ATRNL1: variants seen among roughly 807,000 people sequenced by gnomAD.
ATRNL1 encodes attractin-like protein 1.
In ATRNL1, 95 loss-of-function variants were observed where a neutral mutation model predicts 182.7. The ratio of observed to expected loss-of-function variants is 0.52; its 90% CI spans 0.44 to 0.62. The LOEUF (loss-of-function observed/expected upper bound fraction) is 0.62, where lower values mean the gene tolerates loss of function less well. Among genes scored for constraint, ATRNL1 ranks in the 20% least tolerant of loss-of-function variants. The pLI is 0.00. For synonymous variants in ATRNL1, 576 were observed against 568.3 expected, an observed-to-expected ratio of 1.01 and a Z score of -0.19; for missense variants, 1,471 against 1,679.5, an observed-to-expected ratio of 0.88 and a Z score of 2.17.
chr10:115,327,898 A>G (rs1854995159), intron 18 of ATRNL1, among the ~76,000 whole-genome samples: 1 of 151,868 alleles, frequency 6.6e-6, no homozygotes, highest in African/African-American at 2.4e-5. Context: ...GAACACATGG[A>G]CACAGGAAGG....
chr10:115,667,168 C>T (rs1223464925), intron 26 of ATRNL1, among the ~76,000 whole-genome samples: 1 of 152,104 alleles, frequency 6.6e-6, no homozygotes, highest in Non-Finnish European at 1.5e-5. Flanking sequence ...GACTTCCTTA[C>T]ACTTTGTCTT....
intron 21 of ATRNL1, among the ~76,000 whole-genome samples, chr10:115,432,896 G>A (rs1846235524): frequency 6.6e-6 from 1 of 151,940 alleles, no homozygotes; most frequent in Non-Finnish European, 1.5e-5. Flanking sequence ...AGACTAGGCT[G>A]TAGAAATGCT....
chr10:115,452,218 T>G (rs1021406848), intron 21 of ATRNL1, among the ~76,000 whole-genome samples: 2 of 152,286 alleles, frequency 1.3e-5, no homozygotes, highest in Admixed American at 6.6e-5. Context: ...ACCTATGTAA[T>G]AAATCTTCAC....
intron 28 of ATRNL1, among the ~76,000 whole-genome samples, chr10:115,887,501 G>A (rs2134454687): frequency 6.6e-6 from 1 of 152,088 alleles, no homozygotes; most frequent in Middle Eastern, 3.4e-3. Context: ...TTTTATAAGG[G>A]CACTGGTCCA....
At chr10:115,099,092 A>C (rs1175258179) in intron 1 of ATRNL1, among the ~76,000 whole-genome samples, 1 of 152,238 alleles carries the variant, frequency 6.6e-6, no homozygotes, top group African/African-American at 2.4e-5. Flanking sequence ...TCCCTTTTCT[A>C]GTTGCCAATT....
At chr10:115,854,580 G>C (rs577968271) in intron 28 of ATRNL1, among the ~76,000 whole-genome samples, 32 of 152,314 alleles carry the variant, frequency 2.1e-4, no homozygotes, top group African/African-American at 7.2e-4. Flanking sequence ...CACCTGCTGA[G>C]CAGCAGCATC....
chr10:115,777,022 T>A (rs1338552735), intron 27 of ATRNL1, among the ~76,000 whole-genome samples: 1 of 152,198 alleles, frequency 6.6e-6, no homozygotes, highest in African/African-American at 2.4e-5. Context: ...TGAAATGTAC[T>A]GATGTCTCTA....
At chr10:115,487,853 A>G (rs1203167622) in intron 24 of ATRNL1, among the ~76,000 whole-genome samples, 1 of 152,148 alleles carries the variant, frequency 6.6e-6, no homozygotes, top group Non-Finnish European at 1.5e-5. Context: ...TCAGTATGAT[A>G]TTGGCTGTGC....
chr10:115,430,456 C>G (rs1004680994), intron 21 of ATRNL1, among the ~76,000 whole-genome samples: 1 of 151,762 alleles, frequency 6.6e-6, no homozygotes, highest in East Asian at 1.9e-4. Context: ...CCTTTTTTAT[C>G]TTTAAAAACG....
chr10:115,427,797 C>G (rs190169306), intron 21 of ATRNL1, among the ~76,000 whole-genome samples: 12 of 151,924 alleles, frequency 7.9e-5, no homozygotes, highest in Admixed American at 3.9e-4. Context: ...TATTTTTATG[C>G]TAACGTAGCA....
chr10:115,442,261 T>C (rs1470315983), intron 21 of ATRNL1, among the ~76,000 whole-genome samples: 2 of 83,806 alleles, frequency 2.4e-5, no homozygotes, highest in African/African-American at 1.2e-4. Flanking sequence ...TTCATTTTCA[T>C]TTGTGTTTGC....
intron 1 of ATRNL1, among the ~76,000 whole-genome samples, chr10:115,105,859 A>G (rs1554865774): frequency 6.6e-6 from 1 of 152,208 alleles, no homozygotes; most frequent in African/African-American, 2.4e-5. Flanking sequence ...AGTTTGCTGC[A>G]GGGGTGGGAC....
chr10:115,588,616 G>A (rs1393542514), intron 26 of ATRNL1, among the ~76,000 whole-genome samples: 1 of 152,198 alleles, frequency 6.6e-6, no homozygotes, highest in Admixed American at 6.5e-5. Flanking sequence ...TCATGGAAAA[G>A]CTGGGAGTTT....
At chr10:115,297,546 G>A (rs1483976299) in intron 15 of ATRNL1, among the ~76,000 whole-genome samples, 2 of 151,632 alleles carry the variant, frequency 1.3e-5, no homozygotes, top group African/African-American at 2.4e-5. Context: ...TCAGGAGGCC[G>A]AGGCAGGAGA....
At chr10:115,155,322 A>G (rs576857817) in intron 5 of ATRNL1, among the ~76,000 whole-genome samples, 13 of 151,956 alleles carry the variant, frequency 8.6e-5, no homozygotes, top group African/African-American at 2.9e-4. Flanking sequence ...CTATTGATAT[A>G]TGGGGACTTA....
chr10:115,430,305 T>C (rs1242220347), intron 21 of ATRNL1, among the ~76,000 whole-genome samples: 1 of 152,112 alleles, frequency 6.6e-6, no homozygotes, highest in East Asian at 1.9e-4. Context: ...TTATTTATCT[T>C]TTCTGTGGAT....
intron 27 of ATRNL1, among the ~76,000 whole-genome samples, chr10:115,739,172 G>A (rs1241025440): frequency 1.3e-5 from 2 of 152,082 alleles, no homozygotes; most frequent in Non-Finnish European, 2.9e-5. Flanking sequence ...AGAAACATTT[G>A]GATGTACAAA....
chr10:115,503,424 A>G (rs112425299), intron 24 of ATRNL1, among the ~76,000 whole-genome samples: 66 of 152,258 alleles, frequency 4.3e-4, no homozygotes, highest in African/African-American at 1.6e-3. Context: ...TGAGCTGAAA[A>G]TGTGTTGAAG....
chr10:115,451,971 G>T (rs1415596939), intron 21 of ATRNL1, among the ~76,000 whole-genome samples: 2 of 152,112 alleles, frequency 1.3e-5, no homozygotes, highest in African/African-American at 4.8e-5. Flanking sequence ...TATGGATAGG[G>T]CTAGAGACTA....
Sources: gnomAD v4.1 joint callset for allele counts (sites outside exome capture counted in the v4.1 genomes callset) on GRCh38, gnomAD v4.1.1 for gene constraint, MANE v1.5 for transcripts, NCBI Gene and HGNC (gene_info 2026-07-23, HGNC 2026-07-21) for gene names.